The following OXNAD1 variants were observed in gnomAD, a reference collection of about 807,000 sequenced individuals.
OXNAD1 encodes the protein oxidoreductase NAD binding domain containing 1, also known as oxidoreductase NAD-binding domain-containing protein 1.
A neutral mutation model predicts 32.9 loss-of-function variants in OXNAD1; 34 were observed. That is an observed-to-expected ratio of 1.03 (90% confidence interval 0.79 to 1.38). OXNAD1 has a LOEUF of 1.38. Ranked by LOEUF, OXNAD1 falls within the 40% of genes most tolerant of loss-of-function variation. The pLI is 0.00. For missense variants in OXNAD1, 407 were observed against 379.4 expected (o/e 1.07, Z -0.60); for synonymous variants, 134 against 135.2 (o/e 0.99, Z 0.06).
intron 4 of OXNAD1, among the ~76,000 whole-genome samples, chr3:16,285,599 T>C (rs893864166): frequency 6.6e-6 from 1 of 152,222 alleles, no homozygotes; most frequent in Admixed American, 6.5e-5. Flanking sequence ...CATACCTGCA[T>C]AGCTCCCGAG....
At chr3:16,283,967 G>A (rs147010345) in intron 4 of OXNAD1, among the ~76,000 whole-genome samples, 115 of 152,316 alleles carry the variant, frequency 7.6e-4, no homozygotes, top group African/African-American at 2.5e-3. Context: ...CAAGAACACC[G>A]AAGCTAGGTT....
chr3:16,286,850 G>A (rs200423284), intron 5 of OXNAD1, among the ~76,000 whole-genome samples: 8 of 152,284 alleles, frequency 5.3e-5, no homozygotes, highest in African/African-American at 1.9e-4. Flanking sequence ...AGTCTTCTTC[G>A]TGTCCAATGC....
rs1388001286 is a variant in OXNAD1, at chr3:16,344,394, A to G, written c.*31-4782A>G. Among the ~76,000 whole-genome samples, 2 of 152,102 alleles carry G rather than the reference A, an allele frequency of 1.3e-5. No individual in the cohort carries two copies. Among genetic ancestry groups the G allele is most frequent in the East Asian group, 3.9e-4 (2 of 5,180 alleles). Reference sequence around the variant, plus strand: ...TCAACTATAATCTAATTTAGAAACAACATGTAAAAACAGATACATTCAGAA... The same window carrying G: ...TCAACTATAATCTAATTTAGAAACAGCATGTAAAAACAGATACATTCAGAA... On this transcript the variant is annotated intron_variant, in intron 9 of 9. Transcript: ENST00000606098. The surrounding 1 kb of genome is among the most constrained non-coding windows in gnomAD (Gnocchi z 4.4).
rs527285580 is a variant in OXNAD1 at position 16,345,838 on chromosome 3, G to C, written c.*31-3338G>C. Among the ~76,000 whole-genome samples the C allele has an allele frequency of 1.5e-5, 1 of 66,584 alleles. No homozygotes were observed. Among genetic ancestry groups the C allele is most frequent in the African/African-American group, 8.6e-5 (1 of 11,680 alleles). 43.7% of individuals were successfully genotyped at this position (66,584 alleles called of 152,430 possible). ...TGTGTGCGCGCGCGCGTGCGCGCAC[G>C]CGCACATGTGCATGTGTATGTGTAT... On this transcript the variant is annotated intron_variant, in intron 9 of 9. Coordinates refer to the OXNAD1 transcript ENST00000606098. The surrounding 1 kb of genome is among the most constrained non-coding windows in gnomAD (Gnocchi z 5.2).
At position 16,348,409 on chromosome 3, in the gene OXNAD1, T is replaced by C. The variant is rs186803555; in HGVS notation, c.*31-767T>C. ...GCCTTCTCTTCCAGCTGGCCTCTGC[T>C]CCTGTCACTTCCCACAGCAGGAAGC... On this transcript the variant is annotated intron_variant, in intron 9 of 9. Coordinates refer to the OXNAD1 transcript ENST00000606098. The surrounding 1 kb of genome is among the most constrained non-coding windows in gnomAD (Gnocchi z 6.3). Among the ~76,000 whole-genome samples the C allele has an allele frequency of 1.3e-3, 191 of 152,252 alleles. No individual in the cohort carries two copies. Among genetic ancestry groups the C allele is most frequent in the Non-Finnish European group, 2.0e-3 (138 of 68,014 alleles).
intron 4 of OXNAD1, among the ~76,000 whole-genome samples, chr3:16,273,688 C>A (rs1282933398): frequency 6.6e-6 from 1 of 152,244 alleles, no homozygotes; most frequent in African/African-American, 2.4e-5. Context: ...CACACCTGGC[C>A]AGTATTTTCT....
rs139748985 is a variant in OXNAD1 at position 16,289,833 on chromosome 3, C to G, written c.290+3385C>G. Among the ~76,000 whole-genome samples, 1 of 152,236 alleles carries G rather than the reference C, an allele frequency of 6.6e-6. No individual in the cohort carries two copies. The highest frequency in any genetic ancestry group is 1.5e-5 in the Non-Finnish European group (1 of 68,046). The stretch of plus-strand genomic sequence containing the variant: ...CTCCTTCCTCTGCCTTGCCTCGCTA[C>G]GCTAAGCAGATTTTATCATTGCCCA... On this transcript the variant is annotated intron_variant, in intron 5 of 8. Transcript: ENST00000285083. This position sits in a 1 kb window ranked among gnomAD's most constrained non-coding sequence, Gnocchi z 4.9.
At chr3:16,270,467 T>C (rs13101033) in intron 2 of OXNAD1, among the ~76,000 whole-genome samples, 4 of 152,180 alleles carry the variant, frequency 2.6e-5, no homozygotes, top group African/African-American at 9.6e-5. Context: ...TTAGGAATAG[T>C]GTTATTATTT....
intron 9 of OXNAD1, among the ~76,000 whole-genome samples, chr3:16,330,964 G>A (rs1001751291): frequency 6.6e-6 from 1 of 152,198 alleles, no homozygotes; most frequent in African/African-American, 2.4e-5. Flanking sequence ...GTTTCATCCT[G>A]TGGAAGCAAT....
Position 16,346,618 on chromosome 3 carries a change from T to A in OXNAD1, c.*31-2558T>A, listed in dbSNP as rs139925688. Among the ~76,000 whole-genome samples the A allele has an allele frequency of 6.6e-6, 1 of 152,240 alleles. No individual in the cohort carries two copies. The highest frequency in any genetic ancestry group is 1.5e-5 in the Non-Finnish European group (1 of 68,018). On this transcript the variant is annotated intron_variant, in intron 9 of 9. Coordinates refer to the OXNAD1 transcript ENST00000606098. This position sits in a 1 kb window ranked among gnomAD's most constrained non-coding sequence, Gnocchi z 4.4. ...GACACCCCCCAGGCCTGGACAACCA[T>A]GACTCTTGACAAGTGGCATGGGTCT...
chr3:16,313,550 G>C (rs1169347099), intron 9 of OXNAD1: 2 of 152,136 alleles, frequency 1.3e-5, no homozygotes, highest in Admixed American at 1.3e-4. Context: ...ATCAGCATGT[G>C]ATTAACTGCT....
rs1392913109 is a variant in OXNAD1, at chr3:16,336,411, G to C, written c.*31-701G>C. On this transcript the variant is annotated intron_variant, in intron 9 of 9. Transcript: ENST00000435829. The surrounding 1 kb of genome is among the most constrained non-coding windows in gnomAD (Gnocchi z 6.0). The stretch of plus-strand genomic sequence containing the variant: ...GGGAGAAGGGAAGGGGCGACCTGCT[G>C]CTCTGTGGAGAAACAGCAAAGCCCT... 6.6e-6 allele frequency among the ~76,000 whole-genome samples: 1 copy of C among 152,218 alleles called. No homozygotes were observed. Among genetic ancestry groups the C allele is most frequent in the African/African-American group, 2.4e-5 (1 of 41,450 alleles).
chr3:16,330,510 C>G (rs1199604361), intron 9 of OXNAD1, among the ~76,000 whole-genome samples: 1 of 152,182 alleles, frequency 6.6e-6, no homozygotes, highest in Non-Finnish European at 1.5e-5. Context: ...GAGAAGAAAG[C>G]ACCAACAACA....
rs2071628902 is a variant in OXNAD1 at position 16,345,805 on chromosome 3, T to G, written c.*31-3371T>G. On this transcript the variant is annotated intron_variant, in intron 9 of 9. Coordinates refer to the OXNAD1 transcript ENST00000606098. This position sits in a 1 kb window ranked among gnomAD's most constrained non-coding sequence, Gnocchi z 5.2. ...ATAAATCTCTGTGTGTGTGTGTGTGTGTGTGTGTGTGTGCGCGCGCGCGTG... is the reference window on the plus strand; with the variant it reads ...ATAAATCTCTGTGTGTGTGTGTGTGGGTGTGTGTGTGTGCGCGCGCGCGTG... Among the ~76,000 whole-genome samples the G allele has an allele frequency of 1.2e-5, 1 of 85,842 alleles. No homozygotes were observed. The highest frequency in any genetic ancestry group is 2.2e-5 in the Non-Finnish European group (1 of 44,654). The allele number at this position is 85,842 out of a possible 152,430, so 56.3% of individuals were successfully genotyped here. A position where few individuals can be genotyped will look rare whatever the true frequency, so the allele number is the denominator to read the frequency against.
chr3:16,302,164 C>T lies in OXNAD1; in HGVS notation c.675+296C>T, dbSNP rs1329407649. On this transcript the variant is annotated intron_variant, in intron 7 of 8. Coordinates refer to ENST00000285083, the MANE Select transcript of OXNAD1 (RefSeq NM_138381.5). This position sits in a 1 kb window ranked among gnomAD's most constrained non-coding sequence, Gnocchi z 4.2. ...CCCGAGATTCCAGTCAAGAGACCTA[C>T]AGTGGACTAGTGTATCACAGGAGTA... Among the ~76,000 whole-genome samples the T allele has an allele frequency of 3.3e-5, 5 of 152,162 alleles. No individual in the cohort carries two copies. The highest frequency in any genetic ancestry group is 2.4e-5 in the African/African-American group (1 of 41,434).
intron 5 of OXNAD1, among the ~76,000 whole-genome samples, chr3:16,291,963 C>T (rs1360379273): frequency 1.3e-5 from 2 of 152,204 alleles, no homozygotes; most frequent in South Asian, 4.1e-4. Flanking sequence ...TTTTGACTTA[C>T]ATTGCCCTAA....
intron 4 of OXNAD1, among the ~76,000 whole-genome samples, chr3:16,272,585 A>G (rs1340380367): frequency 6.6e-6 from 1 of 151,040 alleles, no homozygotes; most frequent in Non-Finnish European, 1.5e-5. Flanking sequence ...TTTAAGGCTA[A>G]CTTCTTTCAG....
chr3:16,351,262 G>A (rs1456108122), downstream of OXNAD1, among the ~76,000 whole-genome samples: 1 of 152,168 alleles, frequency 6.6e-6, no homozygotes. This position sits in a 1 kb window ranked among gnomAD's most constrained non-coding sequence, Gnocchi z 5.4. Flanking sequence ...GCCAAGGACT[G>A]TGTCCTTGAT....
In OXNAD1 at chr3:16,284,631, A is replaced by G. The variant is rs2065955145; in HGVS notation, c.184-1711A>G. Among the ~76,000 whole-genome samples, 1 of 152,248 alleles carries G rather than the reference A, an allele frequency of 6.6e-6. No homozygotes were observed. The highest frequency in any genetic ancestry group is 2.1e-4 in the South Asian group (1 of 4,836). On this transcript the variant is annotated intron_variant, in intron 4 of 8. Transcript: ENST00000285083. This position sits in a 1 kb window ranked among gnomAD's most constrained non-coding sequence, Gnocchi z 4.1. The stretch of plus-strand genomic sequence containing the variant: ...TGCACAGCACATGACTGTACATTAT[A>G]ACCAACATTAATGAGTTCTGTGGGC...
Sources: allele counts gnomAD v4.1 joint callset (sites outside exome capture counted in the v4.1 genomes callset), GRCh38; gene constraint gnomAD v4.1.1; non-coding constraint Gnocchi (gnomAD v3.1); transcripts MANE v1.5; gene names NCBI Gene and HGNC (gene_info 2026-07-23, HGNC 2026-07-21).